The following RARB variants were observed in gnomAD, a reference collection of about 807,000 sequenced individuals.
The protein encoded by RARB is HBV-activated protein.
RARB carries 17 observed loss-of-function variants against 51.9 expected under a neutral mutation model. The observed-to-expected ratio is 0.33, with a 90% CI of 0.22 to 0.49. RARB has a LOEUF of 0.49. Among genes scored for constraint, RARB ranks in the 20% least tolerant of loss-of-function variants. The probability of loss-of-function intolerance (pLI) is 0.99; values close to 1 mark genes in which losing one functional copy is unlikely to be tolerated. For missense variants in RARB, 369 were observed against 550.8 expected, an observed-to-expected ratio of 0.67 and a Z score of 3.30; for synonymous variants, 215 against 195.4, an observed-to-expected ratio of 1.10 and a Z score of -0.84.
intron 3 of RARB, among the ~76,000 whole-genome samples, chr3:25,080,774 T>A (rs545257147): frequency 6.6e-6 from 1 of 152,292 alleles, no homozygotes; most frequent in Admixed American, 6.5e-5. Context: ...TTTGCTGAGT[T>A]ATAGGAATTC....
intron 3 of RARB, among the ~76,000 whole-genome samples, chr3:25,523,751 A>G (rs1218284020): frequency 1.3e-5 from 2 of 152,230 alleles, no homozygotes; most frequent in Non-Finnish European, 2.9e-5. Flanking sequence ...CTATTTGAAT[A>G]AAGAATCAGC....
At chr3:25,537,635 T>C (rs1196227191) in intron 3 of RARB, among the ~76,000 whole-genome samples, 1 of 152,168 alleles carries the variant, frequency 6.6e-6, no homozygotes, top group Non-Finnish European at 1.5e-5. Context: ...AGTGTGTATT[T>C]CTGCAGCTCC....
At chr3:25,405,161 C>T (rs1483630059) in intron 5 of RARB, among the ~76,000 whole-genome samples, 2 of 152,168 alleles carry the variant, frequency 1.3e-5, no homozygotes, top group African/African-American at 2.4e-5. Flanking sequence ...AGAGGCCTAG[C>T]ATTTAGTGGA....
chr3:25,190,808 T>C (rs1282300288), intron 5 of RARB, among the ~76,000 whole-genome samples: 1 of 152,152 alleles, frequency 6.6e-6, no homozygotes, highest in African/African-American at 2.4e-5. Context: ...TAGTCATAAA[T>C]GATTTACAAA....
intron 2 of RARB, among the ~76,000 whole-genome samples, chr3:25,013,974 T>C (rs142266918): frequency 1.1e-4 from 17 of 152,216 alleles, no homozygotes; most frequent in Non-Finnish European, 2.5e-4. Context: ...TTTAATGTCA[T>C]CAGGACTTGG....
chr3:25,539,181 A>G (rs1250227394), intron 3 of RARB, among the ~76,000 whole-genome samples: 1 of 152,196 alleles, frequency 6.6e-6, no homozygotes, highest in Non-Finnish European at 1.5e-5. Flanking sequence ...TAAGGTTTGA[A>G]AGAGACCTAA....
At position 25,174,434 on chromosome 3, in the gene RARB, G is replaced by T. The variant is rs746834919; in HGVS notation, c.37G>T (p.Val13Leu). 1.3e-5 allele frequency: 17 copies of T among 1,352,014 alleles called. No homozygotes were observed. In the African/African-American group the frequency reaches 2.4e-4, roughly 19 times the overall value. The allele number at this position is 1,352,014 out of a possible 1,614,324, so 83.8% of individuals were successfully genotyped here. A position where few individuals can be genotyped will look rare whatever the true frequency, so the allele number is the denominator to read the frequency against. The change falls in exon 5 of 12, where the codon GTG becomes TTG. Residue 13 changes from valine (V) to leucine (L), a missense_variant. Val to Leu is a conservative substitution (Grantham distance 32). Transcript: ENST00000383772. ...CGGCCACGCATGTCCGGTCCCAGCA[G>T]TGAACGGACACATGACTCACTATCC...
chr3:25,115,052 T>C (rs1293296872), intron 3 of RARB, among the ~76,000 whole-genome samples: 1 of 152,118 alleles, frequency 6.6e-6, no homozygotes, highest in Admixed American at 6.6e-5. Context: ...TAGAGAAAAA[T>C]TTGTAATTCC....
chr3:25,493,775 A>G (rs747782668), intron 2 of RARB, among the ~76,000 whole-genome samples: 12 of 152,232 alleles, frequency 7.9e-5, no homozygotes, highest in Non-Finnish European at 1.8e-4. Context: ...ACAACTAAAT[A>G]TAGTGCCAAA....
At chr3:25,511,383 A>G (rs957544602) in intron 3 of RARB, among the ~76,000 whole-genome samples, 30 of 152,194 alleles carry the variant, frequency 2.0e-4, no homozygotes, top group African/African-American at 5.8e-4. Context: ...TGCCCACCTC[A>G]GCCTCCCAAA....
chr3:25,194,942 C>G (rs1476933010), intron 5 of RARB, among the ~76,000 whole-genome samples: 1 of 151,908 alleles, frequency 6.6e-6, no homozygotes. Flanking sequence ...TGGAAAAGGA[C>G]ACTAATTCAT....
At chr3:25,316,493 A>G (rs1051935043) in intron 5 of RARB, among the ~76,000 whole-genome samples, 1 of 152,330 alleles carries the variant, frequency 6.6e-6, no homozygotes, top group Non-Finnish European at 1.5e-5. Flanking sequence ...TTGGAAAAGC[A>G]TGCCTGGGGG....
chr3:25,007,592 C>CAAAAAAAAAAAAAAAACAAA (rs759589176), intron 2 of RARB, among the ~76,000 whole-genome samples: 1 of 45,418 alleles, frequency 2.2e-5, no homozygotes, highest in African/African-American at 1.1e-4. Context: ...GAGACTGTCT[C>CAAAAAAAAAAAAAAAACAAA]AAAAAAAAAA....
At chr3:25,256,616 G>C (rs1028807994) in intron 5 of RARB, among the ~76,000 whole-genome samples, 1 of 152,004 alleles carries the variant, frequency 6.6e-6, no homozygotes, top group African/African-American at 2.4e-5. Flanking sequence ...TTTTATTTGA[G>C]CAAATATAAG....
rs1197635626 is a variant in RARB at position 25,146,511 on chromosome 3, G to GT, written c.-280+14316dup. 2.7e-3 allele frequency among the ~76,000 whole-genome samples: 369 copies of GT among 134,536 alleles called. 10 individuals carry two copies. Among genetic ancestry groups the GT allele is most frequent in the East Asian group, 0.012 (53 of 4,458 alleles). The allele number at this position is 134,536 out of a possible 152,430, so 88.3% of individuals were successfully genotyped here. On this transcript the variant is annotated intron_variant, in intron 4 of 11. Transcript: ENST00000383772. ...TGCTAAGTTTTTTGTTTGTTTGTTT[G>GT]TTTTTTTTTTTTTGAGACAAGAGTC...
intron 5 of RARB, among the ~76,000 whole-genome samples, chr3:25,233,953 T>C (rs1702244389): frequency 6.6e-6 from 1 of 152,124 alleles, no homozygotes; most frequent in Non-Finnish European, 1.5e-5. Flanking sequence ...TATTATTCTT[T>C]TTACATTCAA....
intron 2 of RARB, among the ~76,000 whole-genome samples, chr3:24,997,447 A>G (rs1177268258): frequency 1.3e-5 from 2 of 151,674 alleles, no homozygotes; most frequent in Non-Finnish European, 2.9e-5. Context: ...ATTCATGGCC[A>G]TTGATAGGTG....
intron 3 of RARB, among the ~76,000 whole-genome samples, chr3:25,095,370 G>A (rs1023688229): frequency 6.6e-6 from 1 of 152,146 alleles, no homozygotes; most frequent in African/African-American, 2.4e-5. Flanking sequence ...CACCATCTGG[G>A]AACTTCTTAT....
chr3:25,064,640 T>A (rs1337373561), intron 3 of RARB, among the ~76,000 whole-genome samples: 1 of 152,136 alleles, frequency 6.6e-6, no homozygotes, highest in Non-Finnish European at 1.5e-5. Context: ...GGAAGAGAGC[T>A]AATAAAACAA....
Sources: allele counts gnomAD v4.1 joint callset (sites outside exome capture counted in the v4.1 genomes callset), GRCh38; gene constraint gnomAD v4.1.1; transcripts MANE v1.5; gene names NCBI Gene and HGNC (gene_info 2026-07-23, HGNC 2026-07-21).